The following SYCE2 variants were observed in gnomAD, a reference collection of about 807,000 sequenced individuals.
The protein encoded by SYCE2 is synaptonemal complex central element protein 2, also known as central element synaptonemal complex 1.
In SYCE2, 3 loss-of-function variants were observed where a neutral mutation model predicts 27.9. The ratio of observed to expected loss-of-function variants is 0.11; its 90% CI spans 0.05 to 0.28. The LOEUF is 0.28. Among genes scored for constraint, SYCE2 ranks in the 10% least tolerant of loss-of-function variants. SYCE2 has a pLI of 1.00. For synonymous variants in SYCE2, 85 were observed against 100.7 expected (o/e 0.84, Z 0.93); for missense variants, 207 against 263.5 (o/e 0.79, Z 1.48).
intron 2 of SYCE2, among the ~76,000 whole-genome samples, chr19:12,912,650 A>G (rs1971068199): frequency 6.6e-6 from 1 of 152,104 alleles, no homozygotes; most frequent in Non-Finnish European, 1.5e-5. Flanking sequence ...AATCGATGAG[A>G]GCACCAGGTG....
At chr19:12,904,847 A>G in intron 2 of SYCE2, 181 bp from the exon 3 acceptor site, 1 of 624,128 alleles carries the variant, frequency 1.6e-6, no homozygotes, top group South Asian at 2.0e-5. Flanking sequence ...AAAACAAAAA[A>G]ACAAAAAATT....
chr19:12,903,108 T>G (rs74879411), intron 3 of SYCE2, among the ~76,000 whole-genome samples: 1 of 151,466 alleles, frequency 6.6e-6, no homozygotes, highest in Non-Finnish European at 1.5e-5. Flanking sequence ...TTTTTTTTTT[T>G]TGAGATGAAG....
chr19:12,916,356 C>A (rs556126505), intron 2 of SYCE2, among the ~76,000 whole-genome samples: 2 of 152,264 alleles, frequency 1.3e-5, no homozygotes, highest in African/African-American at 4.8e-5. Context: ...GGTTGAGCCA[C>A]TGCGCCCGGC....
At chr19:12,916,791 T>C (rs572033212) in intron 2 of SYCE2, among the ~76,000 whole-genome samples, 4 of 152,038 alleles carry the variant, frequency 2.6e-5, no homozygotes, top group South Asian at 4.2e-4. Flanking sequence ...TTCTTTCTTT[T>C]TTTTCAGAGA....
intron 2 of SYCE2, among the ~76,000 whole-genome samples, chr19:12,905,533 G>A (rs1003707817): frequency 9.2e-5 from 14 of 152,044 alleles, no homozygotes; most frequent in Non-Finnish European, 1.8e-4. Flanking sequence ...GGGTTTCACC[G>A]TGTTAGCCAG....
intron 2 of SYCE2, among the ~76,000 whole-genome samples, chr19:12,908,620 G>A (rs184480442): frequency 4.6e-5 from 7 of 152,008 alleles, no homozygotes; most frequent in African/African-American, 9.7e-5. Context: ...CACCGCGCCC[G>A]GCCATCCTGG....
At chr19:12,918,029 G>A (rs1971167416) in intron 2 of SYCE2, among the ~76,000 whole-genome samples, 193 bp downstream of exon 2, 1 of 152,140 alleles carries the variant, frequency 6.6e-6, no homozygotes, top group Admixed American at 6.6e-5. Context: ...GGCTGAGGTG[G>A]GAGGATCACT....
intron 2 of SYCE2, among the ~76,000 whole-genome samples, chr19:12,917,658 G>GTTTTTTTTTT (rs1568440332): frequency 2.4e-4 from 8 of 33,970 alleles, no homozygotes; most frequent in African/African-American, 5.8e-4. Context: ...ACCATTCCTG[G>GTTTTTTTTTT]CTTTTTTTTT....
At chr19:12,908,816 G>C (rs1340882811) in intron 2 of SYCE2, among the ~76,000 whole-genome samples, 2 of 152,084 alleles carry the variant, frequency 1.3e-5, no homozygotes, top group Non-Finnish European at 2.9e-5. Context: ...TGCTACTCCC[G>C]ACATGTGGTA....
intron 5 of SYCE2, 173 bp from the exon 6 acceptor site, chr19:12,899,558 C>T: frequency 6.2e-7 from 1 of 1,614,100 alleles, no homozygotes; most frequent in Non-Finnish European, 8.5e-7. Context: ...CCATCAGGGG[C>T]CCGAAACTCT....
At chr19:12,908,604 G>A (rs112790300) in intron 2 of SYCE2, among the ~76,000 whole-genome samples, 7,638 of 152,078 alleles carry the variant, frequency 0.05, 674 homozygotes, top group African/African-American at 0.18. Flanking sequence ...GATTACAGGC[G>A]TGAGCCACCG....
At chr19:12,904,049 G>T (rs1390173977) in intron 3 of SYCE2, among the ~76,000 whole-genome samples, 1 of 152,156 alleles carries the variant, frequency 6.6e-6, no homozygotes, top group Non-Finnish European at 1.5e-5. Context: ...CAGGACATAT[G>T]GGTGTGACAA....
At chr19:12,899,925 T>C in intron 5 of SYCE2, 79 bp downstream of exon 5, 1 of 1,605,216 alleles carries the variant, frequency 6.2e-7, no homozygotes, top group Non-Finnish European at 8.5e-7. Flanking sequence ...ATGCTGGGTG[T>C]TGGAGCAGAG....
In SYCE2 at chr19:12,899,278, A is replaced by G; in HGVS notation, c.*63T>C. 7.0e-7 allele frequency: 1 copy of G among 1,430,140 alleles called. No homozygotes were observed. Among genetic ancestry groups the G allele is most frequent in the East Asian group, 2.3e-5 (1 of 43,922 alleles). The allele number at this position is 1,430,140 out of a possible 1,614,324, so 88.6% of individuals were successfully genotyped here. ...GAAAAACAATTTCTCAGTGTGGCCC[A>G]AATGGTGGCCTCACAGTCTTCTCCT... is the stretch of plus-strand genomic sequence containing the variant. On this transcript the variant is annotated 3_prime_UTR_variant, in exon 6 of 6. Transcript: ENST00000293695.
Position 12,899,365 on chromosome 19 carries a change from CT to C in SYCE2, c.632del (p.Gln211ArgfsTer26). 2 of 1,614,092 alleles carry C rather than the reference CT, an allele frequency of 1.2e-6. No individual in the cohort carries two copies. The highest frequency in any genetic ancestry group is 2.7e-5 in the African/African-American group (2 of 75,028). On this transcript the variant is annotated frameshift_variant, in exon 6 of 6. Coordinates refer to ENST00000293695, the MANE Select transcript of SYCE2 (RefSeq NM_001105578.2). LOFTEE classifies it high-confidence loss of function. ...TTSQATASEV[Q>X]TNRDGEC The stretch of plus-strand genomic sequence containing the variant: ...GTCAGCATTCACCATCTCTGTTGGT[CT>C]GTACTTCTGAAGCAGTGGCCTGGGG...
intron 2 of SYCE2, among the ~76,000 whole-genome samples, chr19:12,910,150 C>G (rs553358211): frequency 7.2e-4 from 109 of 152,268 alleles, no homozygotes; most frequent in Middle Eastern, 3.4e-3. Context: ...CAGGCGTGAG[C>G]CACCATGCCC....
intron 3 of SYCE2, among the ~76,000 whole-genome samples, chr19:12,901,020 T>G (rs935872351): frequency 3.3e-5 from 5 of 151,862 alleles, no homozygotes; most frequent in South Asian, 2.1e-4. Context: ...ACAAAAAAAT[T>G]TAGCCGGGCG....
At chr19:12,912,786 A>C (rs1971070555) in intron 2 of SYCE2, among the ~76,000 whole-genome samples, 1 of 152,188 alleles carries the variant, frequency 6.6e-6, no homozygotes, top group Admixed American at 6.6e-5. Flanking sequence ...GTAAAAAAAA[A>C]AAAAAATCAC....
intron 1 of SYCE2, 44 bp downstream of exon 1, chr19:12,919,199 T>G (rs1205685979): frequency 6.2e-7 from 1 of 1,607,236 alleles, no homozygotes; most frequent in Non-Finnish European, 8.5e-7. Flanking sequence ...CCTGCCTATC[T>G]GTCCGCCCGC....
Sources: allele counts gnomAD v4.1 joint callset (sites outside exome capture counted in the v4.1 genomes callset), GRCh38; gene constraint gnomAD v4.1.1; transcripts MANE v1.5; gene names NCBI Gene and HGNC (gene_info 2026-07-23, HGNC 2026-07-21).